Variants in PAPPA2 observed in about 807,000 individuals in gnomAD.
PAPPA2 encodes the protein pappalysin-2.
In PAPPA2, 86 loss-of-function variants were observed where a neutral mutation model predicts 176.4. The observed-to-expected ratio is 0.49, with a 90% CI of 0.41 to 0.58. The LOEUF (loss-of-function observed/expected upper bound fraction) is 0.58. PAPPA2 is among the 20% of genes least tolerant of loss of function. PAPPA2 has a pLI of 0.00. For synonymous variants in PAPPA2, 809 were observed against 852.2 expected, an observed-to-expected ratio of 0.95 and a Z score of 0.88; for missense variants, 2,073 against 2,256.9, an observed-to-expected ratio of 0.92 and a Z score of 1.65.
chr1:176,538,770 C>A (rs1286485486), intron 1 of PAPPA2, among the ~76,000 whole-genome samples: 2 of 152,158 alleles, frequency 1.3e-5, no homozygotes, highest in African/African-American at 2.4e-5. Context: ...CAAATTCAAG[C>A]CACCTATAAA....
rs368485332 is a variant in PAPPA2, at chr1:176,594,580, C to T, written c.976C>T (p.Arg326Cys). 186 of 1,614,088 alleles carry T rather than the reference C, an allele frequency of 1.2e-4. No homozygotes were observed. Among genetic ancestry groups the T allele is most frequent in the Admixed American group, 8.8e-4 (53 of 60,012 alleles). ...TGACAAAGGCTGGGCCCTGGGGATC[C>T]GCTCAGGGAAGGACAAGGGAAAGCG... Reference protein sequence around the residue: ...VSDKGWALGIRSGKDKGKRDA... With the variant: ...VSDKGWALGICSGKDKGKRDA... The change falls in exon 3 of 23, where the codon CGC becomes TGC. Residue 326 changes from arginine to cysteine, a missense_variant. Arg to Cys is a radical substitution (Grantham distance 180, BLOSUM62 -3). This residue lies in a region of PAPPA2 where 1,196 missense variants were observed against 1,330.4 expected (regional missense o/e 0.90). Coordinates refer to ENST00000367662, the MANE Select transcript of PAPPA2 (RefSeq NM_020318.3).
intron 17 of PAPPA2, among the ~76,000 whole-genome samples, chr1:176,786,629 G>A (rs536422236): frequency 8.5e-5 from 13 of 152,316 alleles, no homozygotes; most frequent in East Asian, 5.8e-4. Context: ...GGATGAGGAC[G>A]CATTAATAAA....
At position 176,837,665 on chromosome 1, in the gene PAPPA2, G is replaced by A. The variant is rs937100017; in HGVS notation, c.5203-2508G>A. ...GCAAGGTATACATATGGGTGGTGAC[G>A]TTCACCTATGTACACATTGTGCAGA... is the stretch of plus-strand genomic sequence containing the variant. On this transcript the variant is annotated intron_variant, in intron 21 of 22. Coordinates refer to ENST00000367662, the MANE Select transcript of PAPPA2 (RefSeq NM_020318.3). 2.6e-5 allele frequency among the ~76,000 whole-genome samples: 4 copies of A among 152,204 alleles called. No individual in the cohort carries two copies. The South Asian group carries it at 6.2e-4, about 24-fold the overall frequency.
intron 17 of PAPPA2, among the ~76,000 whole-genome samples, chr1:176,778,444 G>C (rs1201663516): frequency 6.6e-6 from 1 of 152,138 alleles, no homozygotes; most frequent in African/African-American, 2.4e-5. Context: ...AGATTTTTAG[G>C]CTCTTGATCT....
chr1:176,767,030 C>T (rs1163413464), intron 15 of PAPPA2, among the ~76,000 whole-genome samples: 1 of 152,018 alleles, frequency 6.6e-6, no homozygotes, highest in African/African-American at 2.4e-5. Context: ...TAGGTTCTGC[C>T]TAGAGAGAAA....
chr1:176,640,438 T>A (rs1420818055), intron 3 of PAPPA2, among the ~76,000 whole-genome samples: 2 of 149,658 alleles, frequency 1.3e-5, no homozygotes, highest in Admixed American at 1.3e-4. Context: ...TGAGAATATG[T>A]GGTGTTTGGT....
At chr1:176,837,463 T>C (rs1571401601) in intron 21 of PAPPA2, among the ~76,000 whole-genome samples, 1 of 136,278 alleles carries the variant, frequency 7.3e-6, no homozygotes, top group Non-Finnish European at 1.5e-5. Context: ...TTGGGTTCTA[T>C]ATGTTGTTAA....
intron 14 of PAPPA2, among the ~76,000 whole-genome samples, chr1:176,750,322 T>C (rs1663107952): frequency 6.6e-6 from 1 of 152,104 alleles, no homozygotes; most frequent in Admixed American, 6.6e-5. Context: ...ACATAAACAA[T>C]TGTCCAGGCG....
At position 176,842,379 on chromosome 1, in the gene PAPPA2, G is replaced by C; in HGVS notation, c.5302-1G>C. ...TTTCTACTTCCCTTTCATTCCCCTA[G>C]GTCATTCCATTTGCTGCTGACTGTG... On this transcript the variant is annotated splice_acceptor_variant, in intron 22 of 22. Transcript: ENST00000367662. LOFTEE classifies it high-confidence loss of function. 1 of 1,612,770 alleles carries C rather than the reference G, an allele frequency of 6.2e-7. No homozygotes were observed. Among genetic ancestry groups the C allele is most frequent in the Non-Finnish European group, 8.5e-7 (1 of 1,179,058 alleles).
intron 12 of PAPPA2, among the ~76,000 whole-genome samples, chr1:176,726,275 A>T (rs1245438937): frequency 6.6e-6 from 1 of 152,176 alleles, no homozygotes; most frequent in African/African-American, 2.4e-5. Flanking sequence ...GGTATAATTG[A>T]TCACTTCATC....
Position 176,727,001 on chromosome 1 carries a change from A to AT in PAPPA2, c.3799-12619dup, listed in dbSNP as rs1014188316. On this transcript the variant is annotated intron_variant, in intron 12 of 22. Coordinates refer to ENST00000367662, the MANE Select transcript of PAPPA2 (RefSeq NM_020318.3). Reference sequence around the variant, plus strand: ...CTAACATTATTCATGAGATAGTAATATTTTTTGGAAGTAGATTGCAATAAG... The same window carrying AT: ...CTAACATTATTCATGAGATAGTAATATTTTTTTGGAAGTAGATTGCAATAAG... 1.6e-4 allele frequency among the ~76,000 whole-genome samples: 25 copies of AT among 152,304 alleles called. 1 individual carries two copies. Among genetic ancestry groups the AT allele is most frequent in the Middle Eastern group, 6.8e-3 (2 of 294 alleles).
chr1:176,756,116 G>A (rs146164495), intron 14 of PAPPA2, among the ~76,000 whole-genome samples: 137 of 152,108 alleles, frequency 9.0e-4, no homozygotes, highest in Middle Eastern at 3.4e-3. Context: ...GTGCCATCAC[G>A]CCCAGCTAAT....
Position 176,820,563 on chromosome 1 carries a change from G to A in PAPPA2, c.5203-19610G>A, listed in dbSNP as rs573331822. 2.6e-5 allele frequency among the ~76,000 whole-genome samples: 4 copies of A among 152,210 alleles called. No individual in the cohort carries two copies. In the Middle Eastern group the frequency reaches 0.01, roughly 388 times the overall value. ...GCAGTGTACACTGGGGATCCTCATC[G>A]AGAACAGATGTTGCTGCCCACTGTG... On this transcript the variant is annotated intron_variant, in intron 21 of 22. Coordinates refer to ENST00000367662, the MANE Select transcript of PAPPA2 (RefSeq NM_020318.3).
chr1:176,702,608 G>T lies in PAPPA2; in HGVS notation c.3238G>T (p.Glu1080Ter). ...TCACAAACCCTTTGGTTTCCACAGG[G>T]AGGTCACACCTGGACAGATGTATCA... Reference protein sequence around the residue: ...THSHRKFTDVEVTPGQMYQYQ... With the variant: ...THSHRKFTDV Residue 1080 changes from glutamate (E) to a stop codon, truncating the protein, a stop_gained and splice_region_variant, in exon 9 of 23, where the codon GAG (glutamate) becomes TAG (stop). Coordinates refer to ENST00000367662, the MANE Select transcript of PAPPA2 (RefSeq NM_020318.3). LOFTEE classifies it high-confidence loss of function. The T allele has an allele frequency of 6.2e-7, 1 of 1,614,016 alleles. No homozygotes were observed. Among genetic ancestry groups the T allele is most frequent in the Non-Finnish European group, 8.5e-7 (1 of 1,179,924 alleles).
chr1:176,638,598 GTGACTTGAAC>G (rs1441110926), intron 3 of PAPPA2, among the ~76,000 whole-genome samples: 1 of 152,052 alleles, frequency 6.6e-6, no homozygotes, highest in East Asian at 1.9e-4. Flanking sequence ...CTGAATGCCA[GTGACTTGAAC>G]CCTCCTTCAT....
chr1:176,702,277 A>G lies in PAPPA2; in HGVS notation c.3237-330A>G, dbSNP rs181994425. Among the ~76,000 whole-genome samples, 13 of 152,296 alleles carry G rather than the reference A, an allele frequency of 8.5e-5. No individual in the cohort carries two copies. The East Asian group carries it at 2.5e-3, about 29-fold the overall frequency. On this transcript the variant is annotated intron_variant, in intron 8 of 22. Coordinates refer to ENST00000367662, the MANE Select transcript of PAPPA2 (RefSeq NM_020318.3). The stretch of plus-strand genomic sequence containing the variant: ...TGATACAGAAGACTGGCTTTTAAAT[A>G]GTTTTGTTTTGTTTTAACATGGTAA...
intron 1 of PAPPA2, among the ~76,000 whole-genome samples, chr1:176,512,962 G>A (rs1367110069): frequency 6.6e-6 from 1 of 152,120 alleles, no homozygotes; most frequent in Non-Finnish European, 1.5e-5. Context: ...TTCTACAACA[G>A]TTTCAAAAGT....
chr1:176,790,441 T>C (rs1200031802), intron 18 of PAPPA2, among the ~76,000 whole-genome samples: 4 of 152,224 alleles, frequency 2.6e-5, no homozygotes, highest in African/African-American at 9.6e-5. Flanking sequence ...GTCTTATCTT[T>C]GTTGTGTGAC....
At chr1:176,642,232 TAAC>T (rs748337778) in intron 3 of PAPPA2, among the ~76,000 whole-genome samples, 5 of 151,998 alleles carry the variant, frequency 3.3e-5, no homozygotes, top group South Asian at 2.1e-4. Context: ...TTAATTTAAA[TAAC>T]AATAATTGCA....
Sources: allele counts gnomAD v4.1 joint callset (sites outside exome capture counted in the v4.1 genomes callset), GRCh38; gene constraint gnomAD v4.1.1; regional missense constraint gnomAD v4.1.1; transcripts MANE v1.5; gene names NCBI Gene and HGNC (gene_info 2026-07-23, HGNC 2026-07-21).